Variants in PCDHGA5 observed in about 807,000 individuals in gnomAD.
PCDHGA5 encodes the protein protocadherin gamma-A5.
A neutral mutation model predicts 56.7 loss-of-function variants in PCDHGA5; 36 were observed. The ratio of observed to expected loss-of-function variants is 0.64; its 90% CI spans 0.49 to 0.84. The LOEUF (loss-of-function observed/expected upper bound fraction) is 0.84, where lower values mean the gene tolerates loss of function less well. Among genes scored for constraint, PCDHGA5 ranks in the 40% least tolerant of loss-of-function variants. The probability of loss-of-function intolerance (pLI) is 0.00; values close to 1 mark genes in which losing one functional copy is unlikely to be tolerated. For missense variants in PCDHGA5, 1,305 were observed against 1,201.5 expected (o/e 1.09, Z -1.27); for synonymous variants, 563 against 520.2 (o/e 1.08, Z -1.12).
Position 141,376,584 on chromosome 5 carries a change from T to C in PCDHGA5, c.2421+9833T>C, listed in dbSNP as rs770132968. On this transcript the variant is annotated intron_variant, in intron 1 of 3. Coordinates refer to ENST00000518069, the MANE Select transcript of PCDHGA5 (RefSeq NM_018918.3). Reference sequence around the variant, plus strand: ...CAACTAATCAGACAGGCTCATCAGCTAGATCGGCTGTTATAGAAGCGAACC... The same window carrying C: ...CAACTAATCAGACAGGCTCATCAGCCAGATCGGCTGTTATAGAAGCGAACC... 12 of 1,584,754 alleles carry C rather than the reference T, an allele frequency of 7.6e-6. No individual in the cohort carries two copies. In the East Asian group the frequency reaches 2.2e-4, roughly 30 times the overall value.
chr5:141,432,663 G>A lies in PCDHGA5; in HGVS notation c.2422-62144G>A. ...CGCACGGCGCGAGCCCTGCTGGACA[G>A]AGACGCGCTCAAGCAGAGCCTCGTA... On this transcript the variant is annotated intron_variant, in intron 1 of 3. Coordinates refer to ENST00000518069, the MANE Select transcript of PCDHGA5 (RefSeq NM_018918.3). This position sits in a 1 kb window ranked among gnomAD's most constrained non-coding sequence, Gnocchi z 6.0. 1 of 1,613,886 alleles carries A rather than the reference G, an allele frequency of 6.2e-7. No individual in the cohort carries two copies. Among genetic ancestry groups the A allele is most frequent in the Non-Finnish European group, 8.5e-7 (1 of 1,179,952 alleles).
rs771138206 is a variant in PCDHGA5, at chr5:141,365,985, T to A, written c.1655T>A (p.Val552Glu). ...AGCAACGTGTCGCTGAGCCTGTTTG[T>A]GCTGGACCAGAACGACAATACGCCT... Reference protein sequence around the residue: ...LSSNVSLSLFVLDQNDNTPEI... With the variant: ...LSSNVSLSLFELDQNDNTPEI... The change falls in exon 1 of 4, where the codon GTG becomes GAG. Residue 552 changes from valine to glutamate, a missense_variant. Coordinates refer to ENST00000518069, the MANE Select transcript of PCDHGA5 (RefSeq NM_018918.3). 6.2e-6 allele frequency: 10 copies of A among 1,614,116 alleles called. No individual in the cohort carries two copies. In the Admixed American group the frequency reaches 1.3e-4, roughly 22 times the overall value.
chr5:141,389,478 G>C (rs764977787), intron 1 of PCDHGA5: 1 of 1,613,150 alleles, frequency 6.2e-7, no homozygotes, highest in Non-Finnish European at 8.5e-7. Context: ...CACACTGCAG[G>C]CCCGCGACCA....
At chr5:141,503,801 G>A (rs920669425) in intron 2 of PCDHGA5, among the ~76,000 whole-genome samples, 1 of 151,990 alleles carries the variant, frequency 6.6e-6, no homozygotes, top group Admixed American at 6.6e-5. Flanking sequence ...ACTTAGGGAC[G>A]GGGAATCCCA....
rs139153105 is a variant in PCDHGA5 at position 141,432,400 on chromosome 5, G to T, written c.2422-62407G>T. 3.1e-6 allele frequency: 5 copies of T among 1,614,122 alleles called. No homozygotes were observed. In the African/African-American group the frequency reaches 4.0e-5, roughly 13 times the overall value. ...ACCCGCCCCTCAGCAGCAACGTGTC[G>T]TTGAGCCTGTTCGTGCTGGACCAGA... On this transcript the variant is annotated intron_variant, in intron 1 of 3. Transcript: ENST00000518069. The surrounding 1 kb of genome is among the most constrained non-coding windows in gnomAD (Gnocchi z 6.0).
chr5:141,509,811 C>T (rs1321920000), intron 3 of PCDHGA5, among the ~76,000 whole-genome samples: 1 of 152,168 alleles, frequency 6.6e-6, no homozygotes, highest in African/African-American at 2.4e-5. Flanking sequence ...TAGAGCCGAG[C>T]TCTTCTCCAT....
Position 141,408,776 on chromosome 5 carries a change from C to T in PCDHGA5, c.2421+42025C>T, listed in dbSNP as rs748401410. 54 of 1,611,566 alleles carry T rather than the reference C, an allele frequency of 3.4e-5. No homozygotes were observed. The highest frequency in any genetic ancestry group is 4.4e-5 in the Non-Finnish European group (52 of 1,178,840). On this transcript the variant is annotated intron_variant, in intron 1 of 3. Coordinates refer to ENST00000518069, the MANE Select transcript of PCDHGA5 (RefSeq NM_018918.3). Reference sequence around the variant, plus strand: ...AGTTAATTCCGATGGTGGCAAATACCCAGAGTTATCTCTGGAGAAACTCCT... The same window carrying T: ...AGTTAATTCCGATGGTGGCAAATACTCAGAGTTATCTCTGGAGAAACTCCT...
At chr5:141,415,045 G>A (rs2095819214) in intron 1 of PCDHGA5, 23 of 1,613,538 alleles carry the variant, frequency 1.4e-5, no homozygotes, top group Non-Finnish European at 1.8e-5. Flanking sequence ...CTTCGCGGTG[G>A]GGGAGCACAC....
At position 141,474,199 on chromosome 5, in the gene PCDHGA5, G is replaced by C. The variant is rs74540928; in HGVS notation, c.2422-20608G>C. Reference sequence around the variant, plus strand: ...AAAACTACTTACATTTTTAAAAGCTGATTTTCAAAAACCAGATTGTGAATT... The same window carrying C: ...AAAACTACTTACATTTTTAAAAGCTCATTTTCAAAAACCAGATTGTGAATT... On this transcript the variant is annotated intron_variant, in intron 1 of 3. Transcript: ENST00000518069. Among the ~76,000 whole-genome samples, 85 of 152,308 alleles carry C rather than the reference G, an allele frequency of 5.6e-4. 1 individual carries two copies. In the East Asian group the frequency reaches 0.016, roughly 29 times the overall value.
chr5:141,407,009 T>C (rs1388688972), intron 1 of PCDHGA5, among the ~76,000 whole-genome samples: 1 of 152,198 alleles, frequency 6.6e-6, no homozygotes, highest in Non-Finnish European at 1.5e-5. Flanking sequence ...AGCTTTGAAG[T>C]TGACTCAAAA....
intron 1 of PCDHGA5, among the ~76,000 whole-genome samples, chr5:141,492,336 A>G (rs1353947767): frequency 1.3e-5 from 2 of 152,072 alleles, no homozygotes; most frequent in East Asian, 3.9e-4. Context: ...TTACGCGAAT[A>G]CCAGCTTTCA....
rs201073884 is a variant in PCDHGA5 at position 141,486,264 on chromosome 5, A to C, written c.2422-8543A>C. On this transcript the variant is annotated intron_variant, in intron 1 of 3. Coordinates refer to ENST00000518069, the MANE Select transcript of PCDHGA5 (RefSeq NM_018918.3). This position sits in a 1 kb window ranked among gnomAD's most constrained non-coding sequence, Gnocchi z 5.0. The stretch of plus-strand genomic sequence containing the variant: ...CTTGGAACCCTCCCCGAGAGTGCAG[A>C]ACCTGGCACTGTGGTGGCACTTATC... 8 of 1,614,032 alleles carry C rather than the reference A, an allele frequency of 5.0e-6. No individual in the cohort carries two copies. The East Asian group carries it at 1.6e-4, about 31-fold the overall frequency.
intron 1 of PCDHGA5, chr5:141,409,236 C>T (rs1305954301): frequency 1.2e-6 from 2 of 1,613,866 alleles, no homozygotes; most frequent in Non-Finnish European, 8.5e-7. Flanking sequence ...GACAACAGCC[C>T]AGAAATAATC....
intron 1 of PCDHGA5, chr5:141,427,909 C>G: frequency 6.3e-7 from 1 of 1,576,922 alleles, no homozygotes; most frequent in Non-Finnish European, 8.7e-7. Context: ...GCGCTCAGCG[C>G]CAACATGAGC....
rs763451417 is a variant in PCDHGA5, at chr5:141,408,628, T to G, written c.2421+41877T>G. On this transcript the variant is annotated intron_variant, in intron 1 of 3. Transcript: ENST00000518069. The stretch of plus-strand genomic sequence containing the variant: ...ATAAAAAGGAAATACATTTAGAAAT[T>G]TTCGAATCTGCATCCGCTGGTACAC... The G allele has an allele frequency of 3.7e-6, 6 of 1,613,920 alleles. No individual in the cohort carries two copies. In the Admixed American group the frequency reaches 1.0e-4, roughly 27 times the overall value.
Position 141,486,677 on chromosome 5 carries a change from G to A in PCDHGA5, c.2422-8130G>A, listed in dbSNP as rs755512470. ...ACTCCTGGAGCCCAGGAATCGAGATGTATCAGCTTCCTCTTTCATCTCTCT... is the reference window on the plus strand; with the variant it reads ...ACTCCTGGAGCCCAGGAATCGAGATATATCAGCTTCCTCTTTCATCTCTCT... On this transcript the variant is annotated intron_variant, in intron 1 of 3. Transcript: ENST00000518069. This position sits in a 1 kb window ranked among gnomAD's most constrained non-coding sequence, Gnocchi z 5.0. The A allele has an allele frequency of 3.7e-6, 6 of 1,614,060 alleles. No individual in the cohort carries two copies. Among genetic ancestry groups the A allele is most frequent in the Middle Eastern group, 1.6e-4 (1 of 6,062 alleles).
chr5:141,463,466 T>G (rs1400160593), intron 1 of PCDHGA5, among the ~76,000 whole-genome samples: 2 of 142,982 alleles, frequency 1.4e-5, no homozygotes, highest in African/African-American at 5.2e-5. Context: ...TTTTTTTTTT[T>G]GAGATGGAGT....
In PCDHGA5 at chr5:141,485,013, C is replaced by A. The variant is rs551059588; in HGVS notation, c.2422-9794C>A. ...GTGAAAGGCAGACAAATCTACCCCG[C>A]CACCAGCAAAAACGGCGCGTAACCC... On this transcript the variant is annotated intron_variant, in intron 1 of 3. Coordinates refer to ENST00000518069, the MANE Select transcript of PCDHGA5 (RefSeq NM_018918.3). This position sits in a 1 kb window ranked among gnomAD's most constrained non-coding sequence, Gnocchi z 5.7. The A allele has an allele frequency of 6.3e-6, 4 of 634,556 alleles. No homozygotes were observed. Among genetic ancestry groups the A allele is most frequent in the South Asian group, 3.9e-5 (2 of 51,594 alleles). The allele number at this position is 634,556 out of a possible 1,614,324, so 39.3% of individuals were successfully genotyped here. A position where few individuals can be genotyped will look rare whatever the true frequency, so the allele number is the denominator to read the frequency against.
intron 1 of PCDHGA5, chr5:141,408,522 A>C: frequency 1.2e-6 from 2 of 1,614,026 alleles, no homozygotes; most frequent in Non-Finnish European, 1.7e-6. Flanking sequence ...TTGCAATTGG[A>C]AGCTGTGGTG....
Sources: allele counts gnomAD v4.1 joint callset (sites outside exome capture counted in the v4.1 genomes callset), GRCh38; gene constraint gnomAD v4.1.1; non-coding constraint Gnocchi (gnomAD v3.1); transcripts MANE v1.5; gene names NCBI Gene and HGNC (gene_info 2026-07-23, HGNC 2026-07-21).